FGF2: variants seen among roughly 807,000 people sequenced by gnomAD.
The protein encoded by FGF2 is basic fibroblast growth factor bFGF.
Under a neutral mutation model 15.9 loss-of-function variants are expected in FGF2, and 13 were observed. The ratio of observed to expected loss-of-function variants is 0.82; its 90% confidence interval spans 0.53 to 1.30. The LOEUF (loss-of-function observed/expected upper bound fraction) is 1.30, where lower values mean the gene tolerates loss of function less well. FGF2 is among the 50% of genes most tolerant of loss of function. The pLI is 0.00. For missense variants in FGF2, 163 were observed against 196.9 expected (o/e 0.83, Z 1.03); for synonymous variants, 90 against 78.4 (o/e 1.15, Z -0.78).
intron 1 of FGF2, among the ~76,000 whole-genome samples, chr4:122,866,260 C>T (rs908010953): frequency 5.3e-5 from 8 of 151,368 alleles, no homozygotes; most frequent in Admixed American, 6.6e-5. Flanking sequence ...CCCAACTACT[C>T]GGGAGGCTGA....
At chr4:122,849,195 C>T (rs1726176767) in intron 1 of FGF2, among the ~76,000 whole-genome samples, 1 of 152,096 alleles carries the variant, frequency 6.6e-6, no homozygotes, top group Non-Finnish European at 1.5e-5. Flanking sequence ...GACAAATGTT[C>T]CCAACCAAAG....
chr4:122,866,432 C>T (rs1424317256), intron 1 of FGF2, among the ~76,000 whole-genome samples: 1 of 151,768 alleles, frequency 6.6e-6, no homozygotes, highest in Non-Finnish European at 1.5e-5. Context: ...AAAATATTCT[C>T]ACATCATATG....
At chr4:122,831,981 TGA>T (rs1382465834) in intron 1 of FGF2, among the ~76,000 whole-genome samples, 1 of 152,262 alleles carries the variant, frequency 6.6e-6, no homozygotes, top group East Asian at 1.9e-4. Flanking sequence ...ACACTGATTC[TGA>T]GAACTCATCA....
In FGF2 at chr4:122,836,341, C is replaced by T. The variant is rs542545996; in HGVS notation, c.178+8989C>T. On this transcript the variant is annotated intron_variant, in intron 1 of 2. Coordinates refer to ENST00000644866, the MANE Select transcript of FGF2 (RefSeq NM_001361665.2). ...CTTGTCATCTTAGCCTTTAACCAGG[C>T]AGTTTTCCTTAAGCTGAAATGTCCT... Among the ~76,000 whole-genome samples the T allele has an allele frequency of 6.6e-5, 10 of 152,292 alleles. No individual in the cohort carries two copies. The East Asian group carries it at 1.9e-3, about 29-fold the overall frequency.
At chr4:122,851,498 T>C (rs567321561) in intron 1 of FGF2, among the ~76,000 whole-genome samples, 5 of 152,194 alleles carry the variant, frequency 3.3e-5, no homozygotes, top group Non-Finnish European at 7.4e-5. Flanking sequence ...TTAACAACCC[T>C]TTGATCCTAA....
At chr4:122,871,905 A>C (rs1393129579) in intron 1 of FGF2, among the ~76,000 whole-genome samples, 1 of 36,286 alleles carries the variant, frequency 2.8e-5, no homozygotes, top group Non-Finnish European at 5.2e-5. Flanking sequence ...AAACTCACAA[A>C]GATGAGAAAG....
chr4:122,861,028 TC>T (rs1377955336), intron 1 of FGF2, among the ~76,000 whole-genome samples: 1 of 152,142 alleles, frequency 6.6e-6, no homozygotes, highest in African/African-American at 2.4e-5. Context: ...ATACGTATCT[TC>T]CTGCACTAGC....
intron 1 of FGF2, among the ~76,000 whole-genome samples, chr4:122,828,729 G>T (rs976263563): frequency 2.0e-5 from 3 of 152,176 alleles, no homozygotes; most frequent in Non-Finnish European, 4.4e-5. Flanking sequence ...TTTCAGGCTT[G>T]CCATAATTTA....
intron 1 of FGF2, among the ~76,000 whole-genome samples, chr4:122,833,997 A>C (rs949131753): frequency 6.6e-6 from 1 of 152,236 alleles, no homozygotes; most frequent in African/African-American, 2.4e-5. Flanking sequence ...CTATTGTTGT[A>C]GGAAAATCCT....
rs974690498 is a variant in FGF2, at chr4:122,836,961, C to T, written c.178+9609C>T. ...TGGTTATAGTACTCTAATTAAGGAA[C>T]GCAGACCTGGGAATTCATACCTGAT... On this transcript the variant is annotated intron_variant, in intron 1 of 2. Coordinates refer to ENST00000644866, the MANE Select transcript of FGF2 (RefSeq NM_001361665.2). Among the ~76,000 whole-genome samples the T allele has an allele frequency of 2.6e-5, 4 of 152,152 alleles. No homozygotes were observed. In the East Asian group the frequency reaches 5.8e-4, roughly 22 times the overall value.
intron 2 of FGF2, among the ~76,000 whole-genome samples, chr4:122,886,901 T>C (rs1196945540): frequency 6.6e-6 from 1 of 152,098 alleles, no homozygotes; most frequent in Non-Finnish European, 1.5e-5. Context: ...TTGTTGCTAC[T>C]GAAGTATCTT....
intron 1 of FGF2, among the ~76,000 whole-genome samples, chr4:122,837,193 G>A (rs938319363): frequency 2.6e-5 from 4 of 152,298 alleles, no homozygotes; most frequent in East Asian, 1.9e-4. Context: ...ACTCTTAAGA[G>A]GATAGAAATT....
At chr4:122,836,068 TC>T (rs1725859754) in intron 1 of FGF2, among the ~76,000 whole-genome samples, 2 of 152,342 alleles carry the variant, frequency 1.3e-5, no homozygotes, top group South Asian at 4.1e-4. Context: ...TTTACTGTTT[TC>T]CCATATACTT....
intron 1 of FGF2, among the ~76,000 whole-genome samples, chr4:122,853,324 T>A (rs1325351365): frequency 6.6e-6 from 1 of 152,112 alleles, no homozygotes; most frequent in African/African-American, 2.4e-5. Context: ...GAAATAAAAA[T>A]AAAAACTATT....
intron 1 of FGF2, among the ~76,000 whole-genome samples, chr4:122,850,587 T>C (rs770798684): frequency 8.6e-5 from 13 of 151,470 alleles, no homozygotes; most frequent in Non-Finnish European, 1.9e-4. Context: ...ATAAGGGAAG[T>C]AGAAAGTAGA....
chr4:122,877,103 G>T (rs1037579852), intron 2 of FGF2, among the ~76,000 whole-genome samples: 1 of 150,644 alleles, frequency 6.6e-6, no homozygotes, highest in Non-Finnish European at 1.5e-5. Flanking sequence ...TCAGGAGAGG[G>T]ACTTTTTTTT....
intron 1 of FGF2, among the ~76,000 whole-genome samples, chr4:122,873,227 G>A (rs1032982095): frequency 6.6e-6 from 1 of 152,190 alleles, no homozygotes; most frequent in African/African-American, 2.4e-5. Context: ...TATCCTGCTG[G>A]TCATTGGCTT....
In FGF2 at chr4:122,895,756, T is replaced by C. The variant is rs112480130; in HGVS notation, c.*3360T>C. 32 of 152,352 alleles carry C rather than the reference T, an allele frequency of 2.1e-4. No homozygotes were observed. Among genetic ancestry groups the C allele is most frequent in the Middle Eastern group, 3.4e-3 (1 of 294 alleles). 9.4% of individuals were successfully genotyped at this position (152,352 alleles called of 1,614,324 possible). A position where few individuals can be genotyped will look rare whatever the true frequency, so the allele number is the denominator to read the frequency against. ...ATAACAATTCTTCATTTACCTAGTA[T>C]TATGAAAGAATGAAGGAGTTCAAAC... On this transcript the variant is annotated 3_prime_UTR_variant, in exon 3 of 3. Transcript: ENST00000644866.
intron 1 of FGF2, among the ~76,000 whole-genome samples, chr4:122,851,044 T>C (rs1051928464): frequency 4.6e-5 from 7 of 152,166 alleles, no homozygotes; most frequent in Admixed American, 1.3e-4. Context: ...ATTCCCCTAC[T>C]TCCCCTGCTC....
Sources: allele counts gnomAD v4.1 joint callset (sites outside exome capture counted in the v4.1 genomes callset), GRCh38; gene constraint gnomAD v4.1.1; transcripts MANE v1.5; gene names NCBI Gene and HGNC (gene_info 2026-07-23, HGNC 2026-07-21).